RPH3AL: variants seen among roughly 807,000 people sequenced by gnomAD.
RPH3AL encodes the protein rab effector Noc2.
Under a neutral mutation model 43.1 loss-of-function variants are expected in RPH3AL, and 38 were observed. The observed-to-expected ratio is 0.88, with a 90% CI of 0.68 to 1.15. RPH3AL has a LOEUF of 1.15. Among genes scored for constraint, RPH3AL ranks in the 50% most tolerant of loss-of-function variants. RPH3AL has a pLI of 0.00. For missense variants in RPH3AL, 462 were observed against 423.2 expected (o/e 1.09, Z -0.81); for synonymous variants, 189 against 176.3 (o/e 1.07, Z -0.57).
chr17:340,060 C>T (rs2045069887), intron 1 of RPH3AL, among the ~76,000 whole-genome samples: 1 of 152,008 alleles, frequency 6.6e-6, no homozygotes, highest in Admixed American at 6.6e-5. Context: ...AAAGACAGCC[C>T]CTGCTCCCCA....
chr17:289,354 C>T lies in RPH3AL; in HGVS notation c.352-7500G>A, dbSNP rs897912768. 1.2e-4 allele frequency among the ~76,000 whole-genome samples: 18 copies of T among 152,138 alleles called. No homozygotes were observed. Among genetic ancestry groups the T allele is most frequent in the African/African-American group, 4.3e-4 (18 of 41,426 alleles). On this transcript the variant is annotated intron_variant, in intron 5 of 9. Transcript: ENST00000331302. This position sits in a 1 kb window ranked among gnomAD's most constrained non-coding sequence, Gnocchi z 5.2. ...CCCAGCACTCATCCTGGGCCCCCAT[C>T]GTCCCTCCTTCCTGCCCAGATAATC... is the stretch of plus-strand genomic sequence containing the variant.
At chr17:352,128 C>T (rs1206208946) in intron 1 of RPH3AL, among the ~76,000 whole-genome samples, 1 of 152,212 alleles carries the variant, frequency 6.6e-6, no homozygotes, top group African/African-American at 2.4e-5. Context: ...GGCCCCATCT[C>T]ACAGTTATCT....
At chr17:342,904 G>T (rs1324831092) in intron 1 of RPH3AL, among the ~76,000 whole-genome samples, 1 of 152,154 alleles carries the variant, frequency 6.6e-6, no homozygotes, top group Non-Finnish European at 1.5e-5. Flanking sequence ...GCTAATCTGG[G>T]TTCCAAAAAC....
chr17:261,920 G>A (rs909482753), intron 6 of RPH3AL: 1 of 152,136 alleles, frequency 6.6e-6, no homozygotes, highest in East Asian at 1.9e-4. Flanking sequence ...CAGGAAAACA[G>A]AAGGCTCCAC....
At chr17:316,356 C>G (rs1226875424) in intron 5 of RPH3AL, among the ~76,000 whole-genome samples, 1 of 131,544 alleles carries the variant, frequency 7.6e-6, no homozygotes, top group Admixed American at 7.7e-5. Context: ...AGTCTCTGTG[C>G]TCCACCTCCA....
At chr17:265,392 T>C (rs1231975747) in intron 6 of RPH3AL, among the ~76,000 whole-genome samples, 3 of 152,200 alleles carry the variant, frequency 2.0e-5, no homozygotes, top group African/African-American at 7.2e-5. Flanking sequence ...CCAAGAGATA[T>C]TTTTTGTATT....
At chr17:306,396 T>G (rs1236753864) in intron 5 of RPH3AL, 1 of 152,256 alleles carries the variant, frequency 6.6e-6, no homozygotes, top group Non-Finnish European at 1.5e-5. Context: ...GCCCGCCGTG[T>G]GACCTGGCAA....
intron 5 of RPH3AL, among the ~76,000 whole-genome samples, chr17:307,375 T>C (rs1003876638): frequency 9.8e-6 from 1 of 101,938 alleles, no homozygotes; most frequent in African/African-American, 4.0e-5. Context: ...GGCAGGTCCA[T>C]CCCACGGCAG....
At chr17:262,574 C>T (rs782755061) in intron 6 of RPH3AL, among the ~76,000 whole-genome samples, 27 of 152,208 alleles carry the variant, frequency 1.8e-4, no homozygotes, top group Non-Finnish European at 2.6e-4. Flanking sequence ...CTCATAATCC[C>T]AACCCTTTGG....
At chr17:335,163 C>T (rs374295057) in intron 1 of RPH3AL, among the ~76,000 whole-genome samples, 20 of 152,188 alleles carry the variant, frequency 1.3e-4, no homozygotes, top group East Asian at 7.7e-4. Context: ...AGCACAGCCA[C>T]ACTGTGACCC....
At chr17:342,159 G>A (rs762420319) in intron 1 of RPH3AL, among the ~76,000 whole-genome samples, 5 of 152,152 alleles carry the variant, frequency 3.3e-5, no homozygotes, top group African/African-American at 7.2e-5. Flanking sequence ...ACCACCATGA[G>A]ATACCACTTC....
At chr17:307,979 C>T (rs1300769660) in intron 5 of RPH3AL, among the ~76,000 whole-genome samples, 2 of 152,220 alleles carry the variant, frequency 1.3e-5, no homozygotes, top group Non-Finnish European at 2.9e-5. Flanking sequence ...CCATTCCTGC[C>T]AGACAGCCTT....
rs532919298 is a variant in RPH3AL, at chr17:215,600, G to A, written c.876+54C>T. On this transcript the variant is annotated intron_variant, in intron 9 of 9. Coordinates refer to ENST00000331302, the MANE Select transcript of RPH3AL (RefSeq NM_006987.4). The surrounding 1 kb of genome is among the most constrained non-coding windows in gnomAD (Gnocchi z 4.1). ...TCCAGTTTGGGAGGAGTGAGTGAGAGAGGACACGGCCGCGGGGGCAGGAGA... is the reference window on the plus strand; with the variant it reads ...TCCAGTTTGGGAGGAGTGAGTGAGAAAGGACACGGCCGCGGGGGCAGGAGA... The A allele has an allele frequency of 8.0e-7, 1 of 1,247,928 alleles. No individual in the cohort carries two copies. Among genetic ancestry groups the A allele is most frequent in the East Asian group, 3.2e-5 (1 of 31,724 alleles). The allele number at this position is 1,247,928 out of a possible 1,614,324, so 77.3% of individuals were successfully genotyped here. A position where few individuals can be genotyped will look rare whatever the true frequency, so the allele number is the denominator to read the frequency against.
rs537906155 is a variant in RPH3AL at position 331,656 on chromosome 17, C to T, written c.-37+2103G>A. 2.3e-6 allele frequency: 3 copies of T among 1,288,152 alleles called. No homozygotes were observed. The Admixed American group carries it at 6.9e-5, about 30-fold the overall frequency. 79.8% of individuals were successfully genotyped at this position (1,288,152 alleles called of 1,614,324 possible). On this transcript the variant is annotated intron_variant, in intron 2 of 9. Transcript: ENST00000331302. ...AAACCTCGTCAGCATGCAGAGGCTC[C>T]CTGACTCGGCAGCAAGGAGGGCCTC...
intron 5 of RPH3AL, among the ~76,000 whole-genome samples, chr17:315,196 T>C (rs62054962): frequency 0.36 from 215 of 596 alleles, 48 homozygotes; most frequent in Middle Eastern, 0.5. Flanking sequence ...GTCCCTGTGC[T>C]CCACCTCCAT....
intron 7 of RPH3AL, among the ~76,000 whole-genome samples, chr17:242,172 C>T (rs1432379372): frequency 1.3e-5 from 2 of 152,172 alleles, no homozygotes; most frequent in Admixed American, 6.5e-5. Flanking sequence ...AAAAGGAACC[C>T]ACCTCAGAAA....
chr17:349,656 T>C (rs1008315938), intron 1 of RPH3AL, among the ~76,000 whole-genome samples: 1 of 152,078 alleles, frequency 6.6e-6, no homozygotes, highest in Non-Finnish European at 1.5e-5. Flanking sequence ...ACCCCATCTC[T>C]ATAAAAAAAC....
rs545803057 is a variant in RPH3AL at position 314,490 on chromosome 17, G to C, written c.351+4930C>G. On this transcript the variant is annotated intron_variant, in intron 5 of 9. Transcript: ENST00000331302. The stretch of plus-strand genomic sequence containing the variant: ...ATGCCCCCACCTCCATTGACCTGTA[G>C]TCCCTATACTCCACGTCCATTGACC... Among the ~76,000 whole-genome samples the C allele has an allele frequency of 1.7e-4, 23 of 136,934 alleles. 2 individuals carry two copies. Among genetic ancestry groups the C allele is most frequent in the African/African-American group, 6.5e-4 (23 of 35,616 alleles). 89.8% of individuals were successfully genotyped at this position (136,934 alleles called of 152,430 possible).
chr17:225,496 G>A lies in RPH3AL; in HGVS notation c.614-5760C>T, dbSNP rs2041087857. Among the ~76,000 whole-genome samples the A allele has an allele frequency of 6.6e-6, 1 of 152,152 alleles. No homozygotes were observed. The highest frequency in any genetic ancestry group is 2.4e-5 in the African/African-American group (1 of 41,436). On this transcript the variant is annotated intron_variant, in intron 7 of 9. Coordinates refer to ENST00000331302, the MANE Select transcript of RPH3AL (RefSeq NM_006987.4). This position sits in a 1 kb window ranked among gnomAD's most constrained non-coding sequence, Gnocchi z 4.4. ...TCCCATGAAAAAGGGATAGGAGGAG[G>A]TGGGAAGGAGCCAGGGATTCCTGCT...
Sources: allele counts gnomAD v4.1 joint callset (sites outside exome capture counted in the v4.1 genomes callset), GRCh38; gene constraint gnomAD v4.1.1; non-coding constraint Gnocchi (gnomAD v3.1); transcripts MANE v1.5; gene names NCBI Gene and HGNC (gene_info 2026-07-23, HGNC 2026-07-21).